Variants in SPTBN1 observed in about 807,000 individuals in gnomAD.
SPTBN1 encodes spectrin beta, non-erythrocytic 1, also known as spectrin beta chain, non-erythrocytic 1.
A neutral mutation model predicts 266.4 loss-of-function variants in SPTBN1; 32 were observed. That is an observed-to-expected ratio of 0.12 (90% CI 0.09 to 0.16). The LOEUF is 0.16. SPTBN1 is among the 10% of genes least tolerant of loss of function. The pLI is 1.00. For synonymous variants in SPTBN1, 1,336 were observed against 1,162.2 expected (o/e 1.15, Z -3.04); for missense variants, 2,296 against 3,067.1 (o/e 0.75, Z 5.94).
Position 54,622,316 on chromosome 2 carries a change from T to A in SPTBN1, c.893T>A (p.Ile298Asn). The A allele has an allele frequency of 1.2e-6, 2 of 1,614,124 alleles. No individual in the cohort carries two copies. Among genetic ancestry groups the A allele is most frequent in the Non-Finnish European group, 1.7e-6 (2 of 1,179,990 alleles). ...TGTTGCCAGGTGCTTGACAATGCTA[T>A]TGAAACAGAAAAAATGATTGAAAAG... Reference protein sequence around the residue: ...KRIGKVLDNAIETEKMIEKYE... With the variant: ...KRIGKVLDNANETEKMIEKYE... The change falls in exon 9 of 36, where the codon ATT becomes AAT. Residue 298 changes from isoleucine to asparagine, a missense_variant. This residue lies in a region of SPTBN1 where 148 missense variants were observed against 203.8 expected (regional missense o/e 0.73). Transcript: ENST00000356805.
At chr2:54,525,356 C>T (rs1670738589) in intron 1 of SPTBN1, among the ~76,000 whole-genome samples, 1 of 152,092 alleles carries the variant, frequency 6.6e-6, no homozygotes, top group African/African-American at 2.4e-5. Context: ...AGCAATTTTC[C>T]AGCCTTGGCC....
rs1172696087 is a variant in SPTBN1 at position 54,646,067 on chromosome 2, A to G, written c.4584+50A>G. On this transcript the variant is annotated intron_variant, in intron 22 of 35. Transcript: ENST00000356805. The surrounding 1 kb of genome is among the most constrained non-coding windows in gnomAD (Gnocchi z 4.4). Reference sequence around the variant, plus strand: ...TCTGTCTGATAAATAATTGCTCTAAATTATGAGACTGGGAATGGCAGAGAG... The same window carrying G: ...TCTGTCTGATAAATAATTGCTCTAAGTTATGAGACTGGGAATGGCAGAGAG... The G allele has an allele frequency of 5.0e-6, 8 of 1,612,792 alleles. No individual in the cohort carries two copies. In the African/African-American group the frequency reaches 5.3e-5, roughly 11 times the overall value.
At chr2:54,503,764 C>T (rs768325598) in intron 1 of SPTBN1, among the ~76,000 whole-genome samples, 15 of 152,188 alleles carry the variant, frequency 9.9e-5, no homozygotes, top group Non-Finnish European at 1.8e-4. Context: ...AACTATTCAT[C>T]CCTCAGTAGC....
chr2:54,555,275 T>C (rs1424200774), intron 2 of SPTBN1, among the ~76,000 whole-genome samples: 1 of 152,206 alleles, frequency 6.6e-6, no homozygotes, highest in Non-Finnish European at 1.5e-5. Flanking sequence ...ATCTTCAGTT[T>C]TGAGCTCTAG....
intron 2 of SPTBN1, among the ~76,000 whole-genome samples, chr2:54,557,403 GGAGGGTGGAGAGA>G (rs999155464): frequency 2.0e-5 from 3 of 151,368 alleles, no homozygotes; most frequent in Non-Finnish European, 4.4e-5. Flanking sequence ...AGGGGGGACA[GGAGGGTGGAGAGA>G]GAGGGGGGAG....
Position 54,657,794 on chromosome 2 carries a change from T to C in SPTBN1, c.6047-56T>C, listed in dbSNP as rs1366800659. 4 of 1,609,242 alleles carry C rather than the reference T, an allele frequency of 2.5e-6. No individual in the cohort carries two copies. In the Admixed American group the frequency reaches 5.0e-5, roughly 20 times the overall value. The stretch of plus-strand genomic sequence containing the variant: ...GCAGCAGTGCCAAGAGGTAAGGCCA[T>C]ATGACTGCCCGGCACCTCCTGGTCA... On this transcript the variant is annotated intron_variant, in intron 29 of 35. Coordinates refer to ENST00000356805, the MANE Select transcript of SPTBN1 (RefSeq NM_003128.3).
chr2:54,521,544 C>G (rs1385868322), intron 1 of SPTBN1, among the ~76,000 whole-genome samples: 1 of 152,106 alleles, frequency 6.6e-6, no homozygotes, highest in Non-Finnish European at 1.5e-5. Context: ...AGACGAGGCT[C>G]ACTCTGTTGT....
chr2:54,570,593 T>C (rs1673993358), intron 2 of SPTBN1, among the ~76,000 whole-genome samples: 1 of 152,112 alleles, frequency 6.6e-6, no homozygotes, highest in Admixed American at 6.5e-5. Context: ...TGAGAGCTAT[T>C]GTTTTAAGCA....
At chr2:54,504,209 A>G (rs1669432819) in intron 1 of SPTBN1, among the ~76,000 whole-genome samples, 1 of 152,258 alleles carries the variant, frequency 6.6e-6, no homozygotes, top group South Asian at 2.1e-4. Flanking sequence ...GAAGAGGCAG[A>G]GAGGTTTGTG....
At position 54,533,286 on chromosome 2, in the gene SPTBN1, C is replaced by A. The variant is rs1249740711; in HGVS notation, c.148+6720C>A. ...TTCTTCAGTTTTTCATTTCATATTT[C>A]CAGACCATGGTTGACTGAAGGTAAC... On this transcript the variant is annotated intron_variant, in intron 2 of 35. Coordinates refer to ENST00000356805, the MANE Select transcript of SPTBN1 (RefSeq NM_003128.3). The surrounding 1 kb of genome is among the most constrained non-coding windows in gnomAD (Gnocchi z 4.2). Among the ~76,000 whole-genome samples, 1 of 151,352 alleles carries A rather than the reference C, an allele frequency of 6.6e-6. No homozygotes were observed. Among genetic ancestry groups the A allele is most frequent in the African/African-American group, 2.4e-5 (1 of 41,116 alleles).
rs941218069 is a variant in SPTBN1 at position 54,645,507 on chromosome 2, C to G, written c.4494+54C>G. 3 of 1,566,130 alleles carry G rather than the reference C, an allele frequency of 1.9e-6. No homozygotes were observed. In the South Asian group the frequency reaches 3.5e-5, roughly 18 times the overall value. On this transcript the variant is annotated intron_variant, in intron 21 of 35. Transcript: ENST00000356805. The surrounding 1 kb of genome is among the most constrained non-coding windows in gnomAD (Gnocchi z 4.3). ...TTTTCCACGAGCCCCCTTGCCTGTGCTAAAGCCCACATTCTCACTTCTCAG... is the reference window on the plus strand; with the variant it reads ...TTTTCCACGAGCCCCCTTGCCTGTGGTAAAGCCCACATTCTCACTTCTCAG...
intron 3 of SPTBN1, among the ~76,000 whole-genome samples, chr2:54,610,280 AT>A (rs759188879): frequency 1.3e-5 from 2 of 152,190 alleles, no homozygotes; most frequent in Non-Finnish European, 2.9e-5. Context: ...CTGGTGTTAC[AT>A]TCTCCAGCCT....
chr2:54,601,336 G>T (rs916046021), intron 3 of SPTBN1, among the ~76,000 whole-genome samples: 2 of 152,124 alleles, frequency 1.3e-5, no homozygotes, highest in Non-Finnish European at 2.9e-5. Flanking sequence ...TTGTTCATCT[G>T]GGCTGGAGAT....
At chr2:54,497,744 C>A (rs1314405302) in intron 1 of SPTBN1, among the ~76,000 whole-genome samples, 3 of 152,144 alleles carry the variant, frequency 2.0e-5, no homozygotes, top group African/African-American at 7.2e-5. Context: ...ACAGAAAGAA[C>A]ATTGTGTGGT....
At position 54,657,954 on chromosome 2, in the gene SPTBN1, G is replaced by A. The variant is rs774815662; in HGVS notation, c.6151G>A (p.Glu2051Lys). Residue 2051 changes from glutamate (E) to lysine (K), a missense_variant, in exon 30 of 36, where the codon GAG (glutamate) becomes AAG (lysine). By Grantham distance (56) the Glu-to-Lys change is moderately conservative (BLOSUM62 1). This residue lies in a region of SPTBN1 where 644 missense variants were observed against 745.3 expected (regional missense o/e 0.86). Transcript: ENST00000356805. Reference sequence around the variant, plus strand: ...CCGAGAGATAGGCCAGAGCGTGGACGAGGTGGAGAAGCTCATCAAGCGCCA... The same window carrying A: ...CCGAGAGATAGGCCAGAGCGTGGACAAGGTGGAGAAGCTCATCAAGCGCCA... ...SSREIGQSVD[E>K]VEKLIKRHEA... is the part of the protein sequence containing the mutation. The A allele has an allele frequency of 1.9e-6, 3 of 1,614,264 alleles. No homozygotes were observed. The highest frequency in any genetic ancestry group is 1.1e-5 in the South Asian group (1 of 91,088).
At position 54,558,313 on chromosome 2, in the gene SPTBN1, A is replaced by G; in HGVS notation, c.148+31747A>G. 9 of 989,626 alleles carry G rather than the reference A, an allele frequency of 9.1e-6. No individual in the cohort carries two copies. The highest frequency in any genetic ancestry group is 1.1e-5 in the Non-Finnish European group (9 of 832,636). The allele number at this position is 989,626 out of a possible 1,614,324, so 61.3% of individuals were successfully genotyped here. A position where few individuals can be genotyped will look rare whatever the true frequency, so the allele number is the denominator to read the frequency against. On this transcript the variant is annotated intron_variant, in intron 2 of 35. Coordinates refer to ENST00000356805, the MANE Select transcript of SPTBN1 (RefSeq NM_003128.3). This position sits in a 1 kb window ranked among gnomAD's most constrained non-coding sequence, Gnocchi z 4.6. ...CTAATACAATGCTGTTATGCTAATC[A>G]GGTGACATCACCGCCCAGCACACGG...
rs933736824 is a variant in SPTBN1 at position 54,558,539 on chromosome 2, A to C, written c.148+31973A>C. ...GTAATTTATTTCGAGCTTCCAGGCA[A>C]GGGCCACGGAAGAAGGGAAAGCAAG... On this transcript the variant is annotated intron_variant, in intron 2 of 35. Coordinates refer to ENST00000356805, the MANE Select transcript of SPTBN1 (RefSeq NM_003128.3). This position sits in a 1 kb window ranked among gnomAD's most constrained non-coding sequence, Gnocchi z 4.6. The C allele has an allele frequency of 4.7e-6, 6 of 1,269,124 alleles. No homozygotes were observed. Among genetic ancestry groups the C allele is most frequent in the African/African-American group, 3.1e-5 (2 of 64,606 alleles). 78.6% of individuals were successfully genotyped at this position (1,269,124 alleles called of 1,614,324 possible).
intron 3 of SPTBN1, among the ~76,000 whole-genome samples, chr2:54,603,746 G>A (rs1676653098): frequency 6.6e-6 from 1 of 152,130 alleles, no homozygotes; most frequent in Non-Finnish European, 1.5e-5. Context: ...AAGAAATTTT[G>A]GAATTAGTGC....
At chr2:54,643,589 G>C (rs941424684) in intron 19 of SPTBN1, among the ~76,000 whole-genome samples, 1 of 152,230 alleles carries the variant, frequency 6.6e-6, no homozygotes, top group African/African-American at 2.4e-5. Flanking sequence ...TGCACAGAGA[G>C]ATTCTGGGCA....
Sources: gnomAD v4.1 joint callset for allele counts (sites outside exome capture counted in the v4.1 genomes callset) on GRCh38, gnomAD v4.1.1 for gene constraint, gnomAD v4.1.1 regional missense constraint, Gnocchi (gnomAD v3.1) non-coding constraint, MANE v1.5 for transcripts, NCBI Gene and HGNC (gene_info 2026-07-23, HGNC 2026-07-21) for gene names.